BRWD1: variants seen among roughly 807,000 people sequenced by gnomAD.
BRWD1 encodes the protein bromodomain and WD repeat domain containing 1, also known as bromodomain and WD repeat-containing protein 1.
Under a neutral mutation model 251.2 loss-of-function variants are expected in BRWD1, and 82 were observed. The ratio of observed to expected loss-of-function variants is 0.33; its 90% CI spans 0.27 to 0.39. The LOEUF is 0.39. Ranked by LOEUF, BRWD1 falls within the 10% of genes least tolerant of loss-of-function variation. The probability of loss-of-function intolerance (pLI) is 1.00; values close to 1 mark genes in which losing one functional copy is unlikely to be tolerated. For synonymous variants in BRWD1, 918 were observed against 902.8 expected, an observed-to-expected ratio of 1.02 and a Z score of -0.30; for missense variants, 2,233 against 2,711.6, an observed-to-expected ratio of 0.82 and a Z score of 3.92.
chr21:39,251,554 T>G (rs1287884811), intron 19 of BRWD1, among the ~76,000 whole-genome samples: 1 of 152,188 alleles, frequency 6.6e-6, no homozygotes, highest in African/African-American at 2.4e-5. Flanking sequence ...AAGGTATAAC[T>G]AGACACTCAA....
In BRWD1 at chr21:39,193,438, C is replaced by A. The variant is rs924612648; in HGVS notation, c.*2821G>T. ...ATAAGGAGGACACGAAAAAAGAAAG[C>A]TTTGTTAACACTCATCTATCTTGTC... On this transcript the variant is annotated 3_prime_UTR_variant, in exon 41 of 41. Transcript: ENST00000342449. 2.3e-5 allele frequency: 23 copies of A among 984,558 alleles called. No individual in the cohort carries two copies. Among genetic ancestry groups the A allele is most frequent in the Non-Finnish European group, 2.8e-5 (23 of 829,378 alleles). 61.0% of individuals were successfully genotyped at this position (984,558 alleles called of 1,614,324 possible). A position where few individuals can be genotyped will look rare whatever the true frequency, so the allele number is the denominator to read the frequency against.
chr21:39,281,768 T>G (rs1369402850), intron 8 of BRWD1, among the ~76,000 whole-genome samples: 1 of 152,040 alleles, frequency 6.6e-6, no homozygotes, highest in Non-Finnish European at 1.5e-5. Flanking sequence ...CTCAGGAGGC[T>G]GAGGCAGGAG....
At chr21:39,274,319 GAGAGAGAC>G in intron 13 of BRWD1, 47 bp downstream of exon 13, 1 of 1,333,746 alleles carries the variant, frequency 7.5e-7, no homozygotes, top group Non-Finnish European at 1.1e-6. Context: ...GAGAGAGAGA[GAGAGAGAC>G]AGATCGAACA....
rs768623802 is a variant in BRWD1, at chr21:39,210,775, T to G, written c.4044+11A>C. On this transcript the variant is annotated intron_variant, in intron 35 of 40. Transcript: ENST00000342449. ...AGAAAAGCCCCAAACATTTAAACAA[T>G]GGAAACTTACTGGATATTCAACCAA... 1.0e-5 allele frequency: 16 copies of G among 1,597,646 alleles called. No homozygotes were observed. The South Asian group carries it at 1.8e-4, about 18-fold the overall frequency.
At chr21:39,306,014 G>A (rs2036275429) in intron 4 of BRWD1, among the ~76,000 whole-genome samples, 1 of 151,790 alleles carries the variant, frequency 6.6e-6, no homozygotes, top group South Asian at 2.1e-4. Flanking sequence ...GTCCAGCCTG[G>A]ACAACAAGAG....
intron 13 of BRWD1, among the ~76,000 whole-genome samples, chr21:39,272,608 C>CTT (rs777403730): frequency 9.9e-5 from 13 of 131,874 alleles, no homozygotes; most frequent in African/African-American, 1.4e-4. Flanking sequence ...AATAACATTG[C>CTT]TTTTTTTTTT....
At chr21:39,242,131 G>A (rs2146584497) in intron 21 of BRWD1, among the ~76,000 whole-genome samples, 1 of 152,336 alleles carries the variant, frequency 6.6e-6, no homozygotes, top group Non-Finnish European at 1.5e-5. Flanking sequence ...AAAGCATGGT[G>A]AAAGCCAACA....
At chr21:39,209,173 C>T (rs958375641) in intron 36 of BRWD1, among the ~76,000 whole-genome samples, 1 of 152,174 alleles carries the variant, frequency 6.6e-6, no homozygotes, top group Middle Eastern at 3.4e-3. Context: ...AATTTGCACA[C>T]GCAACCCATC....
chr21:39,313,345 G>A (rs764458712), intron 1 of BRWD1, 46 bp from the exon 2 acceptor site: 21 of 1,505,766 alleles, frequency 1.4e-5, no homozygotes, highest in South Asian at 7.3e-5. Flanking sequence ...GGGGAGGGGA[G>A]GGGGACGGGG....
At chr21:39,289,991 C>G (rs548614930) in intron 8 of BRWD1, among the ~76,000 whole-genome samples, 4 of 148,204 alleles carry the variant, frequency 2.7e-5, no homozygotes, top group South Asian at 2.1e-4. Flanking sequence ...CGCCACTGCA[C>G]TCCAGCCTGG....
At position 39,193,691 on chromosome 21, in the gene BRWD1, A is replaced by AATT. The variant is rs1247533471; in HGVS notation, c.*2565_*2567dup. 7 of 985,428 alleles carry AATT rather than the reference A, an allele frequency of 7.1e-6. No homozygotes were observed. The highest frequency in any genetic ancestry group is 1.2e-6 in the Non-Finnish European group (1 of 829,714). 61.0% of individuals were successfully genotyped at this position (985,428 alleles called of 1,614,324 possible). ...TTATTTCTGGATCAGTTCACATTCAAATTATAACCCTTTATCTTTTTCTCA... is the reference window on the plus strand; with the variant it reads ...TTATTTCTGGATCAGTTCACATTCAAATTATTATAACCCTTTATCTTTTTCTCA... On this transcript the variant is annotated 3_prime_UTR_variant, in exon 41 of 41. Transcript: ENST00000342449.
chr21:39,250,007 T>C (rs1358574656), intron 20 of BRWD1, among the ~76,000 whole-genome samples: 2 of 151,810 alleles, frequency 1.3e-5, no homozygotes, highest in East Asian at 3.9e-4. Context: ...AATTTCATTC[T>C]GGAAGAGGAA....
chr21:39,250,781 C>A lies in BRWD1; in HGVS notation c.2349+15G>T, dbSNP rs1207234743. On this transcript the variant is annotated intron_variant, in intron 20 of 40. Transcript: ENST00000342449. ...TGTAATTTCTAATTTGCTAAGAAAA[C>A]AGAATTTAGGTTACCTTATGTGAGA... 2.7e-6 allele frequency: 4 copies of A among 1,481,916 alleles called. No homozygotes were observed. The highest frequency in any genetic ancestry group is 1.8e-6 in the Non-Finnish European group (2 of 1,092,186). The allele number at this position is 1,481,916 out of a possible 1,614,324, so 91.8% of individuals were successfully genotyped here.
rs767125521 is a variant in BRWD1, at chr21:39,312,826, GTGCCCAA to G, written c.198+8_198+14del. On this transcript the variant is annotated splice_region_variant and intron_variant, in intron 4 of 40. Transcript: ENST00000342449. The stretch of plus-strand genomic sequence containing the variant: ...TGCACGGAAAACCCGGGGAGCAAAC[GTGCCCAA>G]TGCTCACCAACTCCTCGTAGCTCCT... The G allele has an allele frequency of 1.3e-6, 2 of 1,588,714 alleles. No homozygotes were observed. The highest frequency in any genetic ancestry group is 2.2e-5 in the South Asian group (2 of 89,226).
chr21:39,198,708 A>G, intron 40 of BRWD1, 55 bp downstream of exon 40: 1 of 1,458,118 alleles, frequency 6.9e-7, no homozygotes, highest in Non-Finnish European at 9.2e-7. Flanking sequence ...AATGTGTGTA[A>G]GAGAAAAGGA....
rs929128507 is a variant in BRWD1 at position 39,313,499 on chromosome 21, C to A, written c.-8G>T. On this transcript the variant is annotated 5_prime_UTR_variant, in exon 1 of 41. Coordinates refer to ENST00000342449, the MANE Select transcript of BRWD1 (RefSeq NM_033656.4). ...GGACGACGGCTCCGCCATGGCCGGG[C>A]GCGGGGCGGGAGGCGGGAGCGAGCG... 5.8e-6 allele frequency: 7 copies of A among 1,216,432 alleles called. No homozygotes were observed. The highest frequency in any genetic ancestry group is 5.0e-5 in the African/African-American group (3 of 60,592). The allele number at this position is 1,216,432 out of a possible 1,614,324, so 75.4% of individuals were successfully genotyped here. A position where few individuals can be genotyped will look rare whatever the true frequency, so the allele number is the denominator to read the frequency against.
In BRWD1 at chr21:39,293,987, G is replaced by A. The variant is rs372951091; in HGVS notation, c.655C>T (p.Arg219Cys). 19 of 1,613,938 alleles carry A rather than the reference G, an allele frequency of 1.2e-5. No homozygotes were observed. The highest frequency in any genetic ancestry group is 1.5e-5 in the Non-Finnish European group (18 of 1,180,044). ...LVKIWSTHNG[R>C]LLSTLRGHSA... ...TGACCTCTTAATGTAGATAACAAGC[G>A]GCCATTATGTGTTGACCAAATCTTT... Residue 219 changes from arginine to cysteine, a missense_variant, in exon 8 of 41, where the codon CGC (arginine) becomes TGC (cysteine). By Grantham distance (180) the Arg-to-Cys change is radical. Around this residue, in one of 12 missense-constraint regions of BRWD1, gnomAD observed 185 missense variants for 260.6 expected, o/e 0.71. Transcript: ENST00000342449.
chr21:39,269,581 G>A (rs1400144350), intron 15 of BRWD1, among the ~76,000 whole-genome samples: 3 of 151,660 alleles, frequency 2.0e-5, no homozygotes, highest in Admixed American at 6.6e-5. Context: ...ATTTCAATTT[G>A]TTATAGAATA....
In BRWD1 at chr21:39,271,208, T is replaced by C. The variant is rs117159731; in HGVS notation, c.1245-775A>G. On this transcript the variant is annotated intron_variant, in intron 13 of 40. Coordinates refer to ENST00000342449, the MANE Select transcript of BRWD1 (RefSeq NM_033656.4). Reference sequence around the variant, plus strand: ...TCAGAAGGCTGAGGCAGGAGAATCATTGGAACCTGGGAGACAGAGTCTGCA... The same window carrying C: ...TCAGAAGGCTGAGGCAGGAGAATCACTGGAACCTGGGAGACAGAGTCTGCA... Among the ~76,000 whole-genome samples the C allele has an allele frequency of 5.7e-3, 863 of 152,074 alleles. 5 individuals carry two copies. Among genetic ancestry groups the C allele is most frequent in the Non-Finnish European group, 8.5e-3 (575 of 67,958 alleles).
Sources: allele counts gnomAD v4.1 joint callset (sites outside exome capture counted in the v4.1 genomes callset), GRCh38; gene constraint gnomAD v4.1.1; regional missense constraint gnomAD v4.1.1; transcripts MANE v1.5; gene names NCBI Gene and HGNC (gene_info 2026-07-23, HGNC 2026-07-21).